The following MPDZ variants were observed in gnomAD, a reference collection of about 807,000 sequenced individuals.
The protein encoded by MPDZ is multiple PDZ domain protein.
In MPDZ, 234 loss-of-function variants were observed where a neutral mutation model predicts 239.1. The observed-to-expected ratio is 0.98, with a 90% confidence interval of 0.88 to 1.09. The LOEUF (loss-of-function observed/expected upper bound fraction) is 1.09, where lower values mean the gene tolerates loss of function less well. Among genes scored for constraint, MPDZ ranks in the 50% least tolerant of loss-of-function variants. The pLI is 0.00. For synonymous variants in MPDZ, 1,048 were observed against 881.3 expected, an observed-to-expected ratio of 1.19 and a Z score of -3.35; for missense variants, 3,175 against 2,510.0, an observed-to-expected ratio of 1.26 and a Z score of -5.66.
In MPDZ at chr9:13,242,215, CTTTTTTTTTTTTTTT is replaced by C. The variant is rs145555644; in HGVS notation, c.183+5405_183+5419del. ...ACTACCTTAATTTTATGTTAGGATG[CTTTTTTTTTTTTTTT>C]TTTTTTTTTTTTTGAGACAGAGCCT... On this transcript the variant is annotated intron_variant, in intron 3 of 46. Transcript: ENST00000319217. 2.6e-4 allele frequency among the ~76,000 whole-genome samples: 13 copies of C among 50,792 alleles called. No homozygotes were observed. In the South Asian group the frequency reaches 0.01, roughly 39 times the overall value. The allele number at this position is 50,792 out of a possible 152,430, so 33.3% of individuals were successfully genotyped here.
At chr9:13,238,888 C>T (rs996898368) in intron 3 of MPDZ, among the ~76,000 whole-genome samples, 1 of 152,008 alleles carries the variant, frequency 6.6e-6, no homozygotes, top group Non-Finnish European at 1.5e-5. Context: ...TAGTGCCACT[C>T]TCCTCAATTT....
intron 3 of MPDZ, among the ~76,000 whole-genome samples, chr9:13,230,926 T>A (rs1046546316): frequency 6.6e-6 from 1 of 151,622 alleles, no homozygotes; most frequent in African/African-American, 2.4e-5. Context: ...AAAGACAAAA[T>A]GTCAATGAGC....
intron 44 of MPDZ, among the ~76,000 whole-genome samples, 198 bp from the exon 45 acceptor site, chr9:13,110,262 ATTC>A (rs1942226831): frequency 6.6e-6 from 1 of 152,212 alleles, no homozygotes; most frequent in Non-Finnish European, 1.5e-5. Flanking sequence ...CAGTAAACAT[ATTC>A]TTCTAATTCT....
At chr9:13,215,652 T>C (rs985397685) in intron 10 of MPDZ, among the ~76,000 whole-genome samples, 3 of 150,842 alleles carry the variant, frequency 2.0e-5, no homozygotes, top group East Asian at 2.0e-4. Flanking sequence ...AAGATGTCTT[T>C]CAAAGAATAT....
chr9:13,175,242 CA>C (rs1433230171), intron 21 of MPDZ, among the ~76,000 whole-genome samples: 3 of 151,992 alleles, frequency 2.0e-5, no homozygotes, highest in East Asian at 1.9e-4. Context: ...TAAAATAGGA[CA>C]AAAAAATCCT....
chr9:13,245,788 C>A (rs1442577142), intron 3 of MPDZ, among the ~76,000 whole-genome samples: 1 of 152,106 alleles, frequency 6.6e-6, no homozygotes, highest in African/African-American at 2.4e-5. Flanking sequence ...AGTCTCAGAG[C>A]CCATATTCTA....
intron 3 of MPDZ, among the ~76,000 whole-genome samples, chr9:13,234,177 A>G (rs1425894046): frequency 6.6e-6 from 1 of 152,146 alleles, no homozygotes; most frequent in Non-Finnish European, 1.5e-5. Context: ...ATTATAAATT[A>G]CTTATACTTC....
At chr9:13,203,353 C>T (rs934887927) in intron 12 of MPDZ, among the ~76,000 whole-genome samples, 5 of 152,056 alleles carry the variant, frequency 3.3e-5, no homozygotes, top group South Asian at 4.2e-4. Context: ...GTGATTTAAG[C>T]GGGTGAGATT....
chr9:13,274,189 A>G (rs920375218), intron 1 of MPDZ, among the ~76,000 whole-genome samples: 7 of 152,084 alleles, frequency 4.6e-5, no homozygotes, highest in Non-Finnish European at 1.0e-4. Context: ...AAAATAAATA[A>G]TTACCTTATG....
At chr9:13,260,247 G>A (rs922561098) in intron 1 of MPDZ, among the ~76,000 whole-genome samples, 2 of 152,222 alleles carry the variant, frequency 1.3e-5, no homozygotes, top group Non-Finnish European at 2.9e-5. Flanking sequence ...AGAAGCTATG[G>A]ATAAAGAAGC....
intron 4 of MPDZ, among the ~76,000 whole-genome samples, chr9:13,224,115 T>C (rs1305208655): frequency 2.6e-5 from 4 of 151,744 alleles, no homozygotes; most frequent in African/African-American, 4.8e-5. Flanking sequence ...AGAAATTGAA[T>C]AACATTTTTC....
chr9:13,186,400 A>T lies in MPDZ; in HGVS notation c.2365-14T>A, dbSNP rs748883042. ...TTCTGGTGAAAGCTGCAGGGAAAAA[A>T]TGGTATTCATGGAAAAGAGAGAGAA... is the stretch of plus-strand genomic sequence containing the variant. On this transcript the variant is annotated splice_polypyrimidine_tract_variant and intron_variant, in intron 17 of 46. Transcript: ENST00000319217. 1.3e-6 allele frequency: 2 copies of T among 1,493,830 alleles called. No individual in the cohort carries two copies. The highest frequency in any genetic ancestry group is 2.8e-5 in the African/African-American group (2 of 72,096). The allele number at this position is 1,493,830 out of a possible 1,614,324, so 92.5% of individuals were successfully genotyped here. A position where few individuals can be genotyped will look rare whatever the true frequency, so the allele number is the denominator to read the frequency against.
intron 22 of MPDZ, among the ~76,000 whole-genome samples, chr9:13,163,995 G>A (rs1950762321): frequency 6.6e-6 from 1 of 152,148 alleles, no homozygotes; most frequent in Non-Finnish European, 1.5e-5. Context: ...AATCACCACT[G>A]CTGAACCTCC....
chr9:13,128,789 C>A (rs1184190491), intron 32 of MPDZ, among the ~76,000 whole-genome samples: 1 of 152,166 alleles, frequency 6.6e-6, no homozygotes, highest in African/African-American at 2.4e-5. Context: ...CCTCTCCCTT[C>A]TCCCAAGATA....
At chr9:13,134,970 CTT>C (rs1946525510) in intron 31 of MPDZ, 1 of 152,216 alleles carries the variant, frequency 6.6e-6, no homozygotes, top group Non-Finnish European at 1.5e-5. Context: ...CCTTGGCCCT[CTT>C]TCTCTCTAAA....
Position 13,136,128 on chromosome 9 carries a change from A to C in MPDZ, c.4347T>G (p.Pro1449=), listed in dbSNP as rs200031754. ...MAVCPGNAVE[P]LPSNSENLQN... The stretch of plus-strand genomic sequence containing the variant: ...GAAGATTTTCTGAGTTAGAAGGCAA[A>C]GGTTCTACTGCATTTCCAGGACATA... The change falls in exon 31 of 47, where the codon CCT becomes CCG. Residue 1449 remains proline (P), a synonymous_variant. Transcript: ENST00000319217. 1 of 1,612,852 alleles carries C rather than the reference A, an allele frequency of 6.2e-7. No homozygotes were observed. The highest frequency in any genetic ancestry group is 1.3e-5 in the African/African-American group (1 of 74,964).
At chr9:13,116,441 T>C (rs1418491469) in intron 39 of MPDZ, among the ~76,000 whole-genome samples, 1 of 151,778 alleles carries the variant, frequency 6.6e-6, no homozygotes, top group African/African-American at 2.4e-5. Flanking sequence ...GGCACTGATA[T>C]TATTATTCAG....
intron 2 of MPDZ, among the ~76,000 whole-genome samples, chr9:13,249,137 CAA>C (rs1420676271): frequency 6.8e-6 from 1 of 148,134 alleles, no homozygotes; most frequent in African/African-American, 2.5e-5. Flanking sequence ...CACACACACA[CAA>C]ACTTAAACAA....
chr9:13,195,945 C>G (rs998056689), intron 13 of MPDZ, among the ~76,000 whole-genome samples, 176 bp downstream of exon 13: 2 of 152,106 alleles, frequency 1.3e-5, no homozygotes, highest in Non-Finnish European at 2.9e-5. Context: ...TTACTATATA[C>G]CTTTCTCCAA....
Sources: gnomAD v4.1 joint callset for allele counts (sites outside exome capture counted in the v4.1 genomes callset) on GRCh38, gnomAD v4.1.1 for gene constraint, MANE v1.5 for transcripts, NCBI Gene and HGNC (gene_info 2026-07-23, HGNC 2026-07-21) for gene names.